Variants in SARAF observed in about 807,000 individuals in gnomAD.
SARAF encodes store-operated calcium entry associated regulatory factor.
Under a neutral mutation model 39.7 loss-of-function variants are expected in SARAF, and 23 were observed. The ratio of observed to expected loss-of-function variants is 0.58; its 90% CI spans 0.42 to 0.82. The LOEUF (loss-of-function observed/expected upper bound fraction) is 0.82, where lower values mean the gene tolerates loss of function less well. Ranked by LOEUF, SARAF falls within the 40% of genes least tolerant of loss-of-function variation. SARAF has a pLI of 0.00. For synonymous variants in SARAF, 175 were observed against 168.5 expected (o/e 1.04, Z -0.30); for missense variants, 384 against 418.5 (o/e 0.92, Z 0.72).
intron 4 of SARAF, 97 bp from the exon 5 acceptor site, chr8:30,066,236 T>C: frequency 7.9e-7 from 1 of 1,264,444 alleles, no homozygotes; most frequent in Non-Finnish European, 1.1e-6. Context: ...AATATCTTTA[T>C]CAAGTATTTT....
chr8:30,075,300 C>CAAAAAA (rs10717825), intron 1 of SARAF, among the ~76,000 whole-genome samples: 1 of 130,806 alleles, frequency 7.6e-6, no homozygotes. Flanking sequence ...AACTCCATCT[C>CAAAAAA]AAAAAAAAAA....
chr8:30,074,093 A>G, intron 1 of SARAF, 38 bp from the exon 2 acceptor site: 2 of 1,590,530 alleles, frequency 1.3e-6, no homozygotes, highest in Non-Finnish European at 1.7e-6. Flanking sequence ...CAAAGTAAGT[A>G]TCGTGTCAGA....
At chr8:30,080,931 G>A (rs550600625) in intron 1 of SARAF, among the ~76,000 whole-genome samples, 1 of 152,302 alleles carries the variant, frequency 6.6e-6, no homozygotes, top group Admixed American at 6.5e-5. Context: ...CCTGAGGTTG[G>A]GAGTTCAAGA....
chr8:30,068,281 A>G (rs75761225), intron 3 of SARAF, among the ~76,000 whole-genome samples: 2 of 152,186 alleles, frequency 1.3e-5, no homozygotes, highest in African/African-American at 4.8e-5. Context: ...CAGCAGCAGC[A>G]TTAGATTCTC....
chr8:30,064,561 A>ATATATATATTTTTTTT (rs1423689069), intron 5 of SARAF, among the ~76,000 whole-genome samples: 1 of 46,234 alleles, frequency 2.2e-5, no homozygotes, highest in Non-Finnish European at 3.4e-5. Flanking sequence ...ATATATATAT[A>ATATATATATTTTTTTT]TTTTTTTTTT....
At chr8:30,064,553 A>ATTTTTTTTTTTTT (rs1213352789) in intron 5 of SARAF, among the ~76,000 whole-genome samples, 1 of 47,668 alleles carries the variant, frequency 2.1e-5, no homozygotes, top group Non-Finnish European at 3.5e-5. Context: ...ATATATATAT[A>ATTTTTTTTTTTTT]TATATATATT....
intron 3 of SARAF, among the ~76,000 whole-genome samples, chr8:30,069,213 C>CA (rs1258917883): frequency 7.1e-6 from 1 of 141,694 alleles, no homozygotes; most frequent in African/African-American, 2.6e-5. Context: ...AATCTCGGCT[C>CA]ACCGCAACCT....
intron 1 of SARAF, among the ~76,000 whole-genome samples, chr8:30,076,197 T>C (rs765337030): frequency 1.1e-4 from 16 of 152,076 alleles, no homozygotes; most frequent in East Asian, 1.9e-4. Flanking sequence ...GGGATTTGCA[T>C]TGGGGACCAT....
intron 3 of SARAF, 132 bp from the exon 4 acceptor site, chr8:30,067,050 A>G: frequency 1.1e-6 from 1 of 939,756 alleles, no homozygotes; most frequent in East Asian, 2.5e-5. Flanking sequence ...AGTTATTAAC[A>G]AGTTGTATTC....
intron 1 of SARAF, among the ~76,000 whole-genome samples, chr8:30,081,544 G>A (rs1433330265): frequency 1.3e-5 from 2 of 152,128 alleles, no homozygotes; most frequent in Non-Finnish European, 2.9e-5. Flanking sequence ...CACATCAAAT[G>A]ACTACTCAAC....
rs1263452049 is a variant in SARAF at position 30,069,679 on chromosome 8, T to C, written c.663A>G (p.Ala221=). Residue 221 remains alanine (A), a synonymous_variant, in exon 3 of 6, where the codon GCA becomes GCG. Transcript: ENST00000256255. ...SHRYQRFTNS[A]GPPPPGFKSE... is the part of the protein sequence containing the mutation. ...ACTTAAAGCCTGGGGGAGGAGGTCC[T>C]GCTGAGTTGGTGAATCTCTGGTAAC... The C allele has an allele frequency of 2.5e-6, 4 of 1,614,122 alleles. No homozygotes were observed. Among genetic ancestry groups the C allele is most frequent in the Non-Finnish European group, 3.4e-6 (4 of 1,180,024 alleles).
chr8:30,076,972 AAAC>A (rs981032144), intron 1 of SARAF, among the ~76,000 whole-genome samples: 1 of 152,224 alleles, frequency 6.6e-6, no homozygotes. Flanking sequence ...AACCAGGACA[AAAC>A]AACAACAAAA....
intron 1 of SARAF, among the ~76,000 whole-genome samples, chr8:30,077,533 G>A (rs1185869980): frequency 6.6e-6 from 1 of 152,132 alleles, no homozygotes; most frequent in African/African-American, 2.4e-5. Flanking sequence ...GCCGGGCGTG[G>A]TGGCTCATGC....
chr8:30,077,380 C>G (rs1247324055), intron 1 of SARAF, among the ~76,000 whole-genome samples: 1 of 152,120 alleles, frequency 6.6e-6, no homozygotes, highest in Non-Finnish European at 1.5e-5. Context: ...ATCACCTGAG[C>G]CTGGGGAGGT....
rs988108980 is a variant in SARAF, at chr8:30,082,984, G to A, written c.-35C>T. The A allele has an allele frequency of 3.3e-6, 5 of 1,495,478 alleles. No homozygotes were observed. In the African/African-American group the frequency reaches 4.3e-5, roughly 13 times the overall value. The allele number at this position is 1,495,478 out of a possible 1,614,324, so 92.6% of individuals were successfully genotyped here. A position where few individuals can be genotyped will look rare whatever the true frequency, so the allele number is the denominator to read the frequency against. ...TGAAGATGGCGCCGGGCTGCCAGAC[G>A]CCTACGGGCCGAACCTGGGTGCGGT... On this transcript the variant is annotated 5_prime_UTR_variant, in exon 1 of 6. Transcript: ENST00000256255.
chr8:30,077,707 CAGG>C (rs1462271411), intron 1 of SARAF, among the ~76,000 whole-genome samples: 2 of 151,152 alleles, frequency 1.3e-5, no homozygotes, highest in Admixed American at 6.6e-5. Context: ...GGGGCTGAGG[CAGG>C]AGAATTGCTT....
chr8:30,074,116 C>A (rs1801905983), intron 1 of SARAF, 61 bp from the exon 2 acceptor site: 1 of 1,550,480 alleles, frequency 6.4e-7, no homozygotes, highest in Non-Finnish European at 8.8e-7. Context: ...AAGAAAGGTT[C>A]ATCCTAACGA....
At chr8:30,065,916 A>G (rs1563350679) in intron 5 of SARAF, 72 bp downstream of exon 5, 5 of 1,574,368 alleles carry the variant, frequency 3.2e-6, no homozygotes, top group Non-Finnish European at 3.5e-6. Context: ...ACAGATAATC[A>G]TCTTCTAAAG....
intron 3 of SARAF, among the ~76,000 whole-genome samples, chr8:30,068,011 G>A: frequency 6.6e-6 from 1 of 152,036 alleles, no homozygotes; most frequent in Non-Finnish European, 1.5e-5. Flanking sequence ...AGCCATTATG[G>A]TGGTTATCTG....
Sources: gnomAD v4.1 joint callset for allele counts (sites outside exome capture counted in the v4.1 genomes callset) on GRCh38, gnomAD v4.1.1 for gene constraint, MANE v1.5 for transcripts, NCBI Gene and HGNC (gene_info 2026-07-23, HGNC 2026-07-21) for gene names.